The following KLF12 variants were observed in gnomAD, a reference collection of about 807,000 sequenced individuals.
KLF12 encodes the protein Krueppel-like factor 12.
In KLF12, 9 loss-of-function variants were observed where a neutral mutation model predicts 37.8. That is an observed-to-expected ratio of 0.24 (90% CI 0.14 to 0.42). KLF12 has a LOEUF of 0.42. KLF12 is among the 10% of genes least tolerant of loss of function. The pLI, the probability that KLF12 is intolerant of heterozygous loss-of-function variation, is 1.00. For synonymous variants in KLF12, 208 were observed against 202.1 expected (o/e 1.03, Z -0.25); for missense variants, 411 against 516.0 (o/e 0.80, Z 1.97).
intron 1 of KLF12, among the ~76,000 whole-genome samples, chr13:74,089,012 T>C (rs1223080721): frequency 6.6e-6 from 1 of 152,216 alleles, no homozygotes; most frequent in African/African-American, 2.4e-5. Context: ...CTCTAGACAA[T>C]TCTGCTATCT....
chr13:74,170,673 T>C, the KLF12 span, among the ~76,000 whole-genome samples: 4 of 152,340 alleles, frequency 2.6e-5, no homozygotes, highest in African/African-American at 7.2e-5. Context: ...TTATTGCATA[T>C]ACAAATTTTC....
chr13:74,281,680 G>A, the KLF12 span, among the ~76,000 whole-genome samples: 1 of 152,162 alleles, frequency 6.6e-6, no homozygotes, highest in African/African-American at 2.4e-5. Context: ...TACAAATTCA[G>A]TGGCTCACAT....
chr13:73,961,020 TA>T (rs1891007997), intron 2 of KLF12, among the ~76,000 whole-genome samples: 1 of 152,138 alleles, frequency 6.6e-6, no homozygotes, highest in Non-Finnish European at 1.5e-5. Context: ...ATAGGAGAAA[TA>T]AATCTTTCCT....
chr13:74,214,546 G>A, the KLF12 span, among the ~76,000 whole-genome samples: 21 of 152,168 alleles, frequency 1.4e-4, no homozygotes, highest in African/African-American at 5.1e-4. Context: ...GAATTTTAGC[G>A]TGAATAAAAA....
chr13:74,204,398 A>G, the KLF12 span, among the ~76,000 whole-genome samples: 1 of 152,192 alleles, frequency 6.6e-6, no homozygotes, highest in East Asian at 1.9e-4. Context: ...CACCCCAATA[A>G]TATACATTAG....
chr13:73,780,039 G>C (rs781636947), intron 5 of KLF12, among the ~76,000 whole-genome samples: 1 of 152,182 alleles, frequency 6.6e-6, no homozygotes, highest in Non-Finnish European at 1.5e-5. Context: ...CAAGAGTTCA[G>C]TGGAGGAAGT....
the KLF12 span, among the ~76,000 whole-genome samples, chr13:74,240,083 G>A: frequency 2.6e-4 from 40 of 151,702 alleles, no homozygotes; most frequent in African/African-American, 6.3e-4. Flanking sequence ...GGCTGGTACC[G>A]GTTGTTCTTT....
chr13:74,164,422 C>T, the KLF12 span, among the ~76,000 whole-genome samples: 2 of 151,146 alleles, frequency 1.3e-5, no homozygotes, highest in Admixed American at 6.6e-5. Context: ...TTTATATTAC[C>T]CCAGTAGAAA....
chr13:73,832,066 G>A (rs938775814), intron 4 of KLF12, among the ~76,000 whole-genome samples: 5 of 152,134 alleles, frequency 3.3e-5, no homozygotes, highest in African/African-American at 4.8e-5. Flanking sequence ...TTTGAAAGAC[G>A]GAGGATCTTG....
chr13:73,885,249 C>T (rs1362966018), intron 3 of KLF12, among the ~76,000 whole-genome samples: 1 of 152,038 alleles, frequency 6.6e-6, no homozygotes, highest in Admixed American at 6.6e-5. Flanking sequence ...TTACAATCTT[C>T]CCCCTGTCAT....
chr13:73,715,206 TTCTC>T (rs1377792543), intron 7 of KLF12, among the ~76,000 whole-genome samples, 158 bp downstream of exon 7: 3 of 152,142 alleles, frequency 2.0e-5, no homozygotes, highest in African/African-American at 7.2e-5. Flanking sequence ...TTTCTCAAGT[TTCTC>T]TCTTTCTCAA....
intron 2 of KLF12, among the ~76,000 whole-genome samples, chr13:73,985,399 C>T (rs1454066046): frequency 1.3e-5 from 2 of 152,206 alleles, no homozygotes; most frequent in Non-Finnish European, 2.9e-5. Context: ...AAAAGGAACA[C>T]CTACCCTTCA....
chr13:74,184,784 C>T, the KLF12 span, among the ~76,000 whole-genome samples: 1 of 152,050 alleles, frequency 6.6e-6, no homozygotes, highest in African/African-American at 2.4e-5. Flanking sequence ...ATTCTGTTAG[C>T]CAGTAGGCCA....
At chr13:74,049,735 A>G (rs1872785112) in intron 1 of KLF12, among the ~76,000 whole-genome samples, 2 of 152,196 alleles carry the variant, frequency 1.3e-5, no homozygotes, top group South Asian at 4.1e-4. Flanking sequence ...TGAGAGCTAA[A>G]GAGAGAAGAG....
At chr13:73,962,249 A>T (rs1891043244) in intron 2 of KLF12, among the ~76,000 whole-genome samples, 1 of 152,224 alleles carries the variant, frequency 6.6e-6, no homozygotes, top group South Asian at 2.1e-4. Context: ...AATATCCTAT[A>T]TGATTTCAAC....
intron 4 of KLF12, among the ~76,000 whole-genome samples, chr13:73,822,860 C>T (rs9565045): frequency 0.22 from 33,255 of 152,106 alleles, 3,835 homozygotes; most frequent in East Asian, 0.45. Flanking sequence ...TAGGAGCCCT[C>T]TGAGATATCA....
chr13:73,883,779 G>T (rs1276863971), intron 3 of KLF12, among the ~76,000 whole-genome samples: 6 of 152,118 alleles, frequency 3.9e-5, no homozygotes, highest in Admixed American at 2.0e-4. Flanking sequence ...GTAGATAGTT[G>T]ATAAAATAAT....
chr13:73,741,424 T>C (rs545583010), intron 6 of KLF12, among the ~76,000 whole-genome samples: 1 of 152,216 alleles, frequency 6.6e-6, no homozygotes, highest in Non-Finnish European at 1.5e-5. Flanking sequence ...TAGATGCTGG[T>C]TTCCTTGCTA....
At chr13:74,157,320 G>T in the KLF12 span, among the ~76,000 whole-genome samples, 1 of 152,100 alleles carries the variant, frequency 6.6e-6, no homozygotes, top group South Asian at 2.1e-4. Flanking sequence ...GGGCTTAAAT[G>T]GTCAAACACT....
Sources: allele counts gnomAD v4.1 joint callset (sites outside exome capture counted in the v4.1 genomes callset), GRCh38; gene constraint gnomAD v4.1.1; transcripts MANE v1.5; gene names NCBI Gene and HGNC (gene_info 2026-07-23, HGNC 2026-07-21).